PTPN9: variants seen among roughly 807,000 people sequenced by gnomAD.
The protein encoded by PTPN9 is protein tyrosine phosphatase non-receptor type 9, also known as tyrosine-protein phosphatase non-receptor type 9.
Under a neutral mutation model 69.8 loss-of-function variants are expected in PTPN9, and 26 were observed. The observed-to-expected ratio is 0.37, with a 90% CI of 0.27 to 0.52. The LOEUF (loss-of-function observed/expected upper bound fraction) is 0.52, where lower values mean the gene tolerates loss of function less well. PTPN9 is among the 20% of genes least tolerant of loss of function. The probability of loss-of-function intolerance (pLI) is 0.91; values close to 1 mark genes in which losing one functional copy is unlikely to be tolerated. For synonymous variants in PTPN9, 274 were observed against 272.5 expected, an observed-to-expected ratio of 1.01 and a Z score of -0.05; for missense variants, 549 against 740.3, an observed-to-expected ratio of 0.74 and a Z score of 3.00.
rs2074540961 is a variant in PTPN9 at position 75,467,346 on chromosome 15, A to G, written c.*1423T>C. 1 of 152,482 alleles carries G rather than the reference A, an allele frequency of 6.6e-6. No homozygotes were observed. Among genetic ancestry groups the G allele is most frequent in the South Asian group, 2.1e-4 (1 of 4,820 alleles). The allele number at this position is 152,482 out of a possible 1,614,324, so 9.4% of individuals were successfully genotyped here. A position where few individuals can be genotyped will look rare whatever the true frequency, so the allele number is the denominator to read the frequency against. On this transcript the variant is annotated 3_prime_UTR_variant, in exon 13 of 13. Transcript: ENST00000618819. The stretch of plus-strand genomic sequence containing the variant: ...CCAACCTCATCTTCTGTCACAGGGG[A>G]AGGTTTAGGAGTTCCTGGGATTTTT...
At chr15:75,518,380 C>A (rs1214194287) in intron 4 of PTPN9, among the ~76,000 whole-genome samples, 4 of 148,862 alleles carry the variant, frequency 2.7e-5, no homozygotes, top group Middle Eastern at 3.6e-3. Context: ...GTAATCCTAG[C>A]ACTTTGGGAG....
chr15:75,474,884 A>C (rs1436571231), intron 9 of PTPN9, among the ~76,000 whole-genome samples: 1 of 152,130 alleles, frequency 6.6e-6, no homozygotes, highest in Non-Finnish European at 1.5e-5. Flanking sequence ...AAATTACTTC[A>C]TCAGAACATA....
chr15:75,481,899 C>T (rs900366265), intron 8 of PTPN9, among the ~76,000 whole-genome samples: 4 of 146,618 alleles, frequency 2.7e-5, no homozygotes, highest in South Asian at 2.3e-4. Flanking sequence ...TCTGCCCGGC[C>T]GCCCCTACTG....
chr15:75,466,070 C>G lies in PTPN9; in HGVS notation c.*2699G>C, dbSNP rs1172096871. On this transcript the variant is annotated 3_prime_UTR_variant, in exon 13 of 13. Transcript: ENST00000618819. The stretch of plus-strand genomic sequence containing the variant: ...ACTCGATAAAAATTTATTGGCAGAT[C>G]AGAAGATGGATCCTTAGAGGAAGTC... 2.0e-5 allele frequency: 3 copies of G among 152,202 alleles called. No individual in the cohort carries two copies. The highest frequency in any genetic ancestry group is 6.5e-5 in the Admixed American group (1 of 15,280). 9.4% of individuals were successfully genotyped at this position (152,202 alleles called of 1,614,324 possible). A position where few individuals can be genotyped will look rare whatever the true frequency, so the allele number is the denominator to read the frequency against.
At chr15:75,561,576 T>C (rs919768439) in intron 1 of PTPN9, among the ~76,000 whole-genome samples, 22 of 152,150 alleles carry the variant, frequency 1.4e-4, no homozygotes, top group African/African-American at 5.1e-4. Context: ...TATAAGACTG[T>C]GGCTCCAGCT....
chr15:75,512,797 TCTTCCA>T (rs752092301), intron 5 of PTPN9: 1 of 272,070 alleles, frequency 3.7e-6, no homozygotes, highest in Non-Finnish European at 7.3e-6. Context: ...ATCCTCTTCC[TCTTCCA>T]CACCTCTGAG....
intron 2 of PTPN9, among the ~76,000 whole-genome samples, chr15:75,524,947 T>G (rs2074921177): frequency 6.6e-6 from 1 of 152,090 alleles, no homozygotes; most frequent in African/African-American, 2.4e-5. Flanking sequence ...TCTGACTCAG[T>G]AAGAACCCTA....
At chr15:75,484,914 C>A (rs1478081415) in intron 8 of PTPN9, among the ~76,000 whole-genome samples, 1 of 152,194 alleles carries the variant, frequency 6.6e-6, no homozygotes, top group East Asian at 1.9e-4. Context: ...GATTTGTGTT[C>A]ATTAGCCAGT....
At chr15:75,536,827 A>C (rs1439468372) in intron 1 of PTPN9, among the ~76,000 whole-genome samples, 5 of 152,200 alleles carry the variant, frequency 3.3e-5, no homozygotes, top group Non-Finnish European at 7.3e-5. Context: ...TGGGGAAGTC[A>C]GACTGAAAGG....
At chr15:75,570,626 C>T (rs903538691) in intron 1 of PTPN9, among the ~76,000 whole-genome samples, 8 of 151,746 alleles carry the variant, frequency 5.3e-5, no homozygotes, top group Non-Finnish European at 1.0e-4. Context: ...ACAAATTAGT[C>T]ATGTGTGGTA....
Position 75,579,028 on chromosome 15 carries a change from C to T in PTPN9, c.-252G>A, listed in dbSNP as rs1054621112. The T allele has an allele frequency of 3.6e-5, 9 of 248,632 alleles. No individual in the cohort carries two copies. The highest frequency in any genetic ancestry group is 2.0e-4 in the African/African-American group (9 of 44,018). The allele number at this position is 248,632 out of a possible 1,614,324, so 15.4% of individuals were successfully genotyped here. ...ATTATTCGCTCCGTTCCTCACACTCCCCCTTATCTCCTGGGGAAGAAAAAG... is the reference window on the plus strand; with the variant it reads ...ATTATTCGCTCCGTTCCTCACACTCTCCCTTATCTCCTGGGGAAGAAAAAG... On this transcript the variant is annotated 5_prime_UTR_variant, in exon 1 of 13. Transcript: ENST00000618819.
intron 7 of PTPN9, among the ~76,000 whole-genome samples, chr15:75,498,893 A>G (rs1268815021): frequency 6.6e-6 from 1 of 152,166 alleles, no homozygotes; most frequent in African/African-American, 2.4e-5. Context: ...GCACAGAACT[A>G]AATACACAAA....
intron 1 of PTPN9, among the ~76,000 whole-genome samples, chr15:75,537,753 CA>C (rs1164644727): frequency 0.01 from 114 of 11,390 alleles, 1 homozygote; most frequent in East Asian, 0.078. Flanking sequence ...GACTCCATCT[CA>C]AAAAAAAAAA....
At chr15:75,541,401 T>A (rs1255771799) in intron 1 of PTPN9, among the ~76,000 whole-genome samples, 1 of 150,290 alleles carries the variant, frequency 6.7e-6, no homozygotes, top group Non-Finnish European at 1.5e-5. Context: ...TTATTATTAT[T>A]ATTAATTAAT....
At chr15:75,472,061 A>C (rs1200911604) in intron 10 of PTPN9, among the ~76,000 whole-genome samples, 2 of 152,246 alleles carry the variant, frequency 1.3e-5, no homozygotes, top group African/African-American at 4.8e-5. Flanking sequence ...GTGCTAAGGA[A>C]GGGAATTTAA....
At chr15:75,506,236 A>C (rs1050447167) in intron 6 of PTPN9, among the ~76,000 whole-genome samples, 1 of 152,188 alleles carries the variant, frequency 6.6e-6, no homozygotes, top group Non-Finnish European at 1.5e-5. Flanking sequence ...CACTCCTGGA[A>C]TTAGGGACAC....
intron 1 of PTPN9, among the ~76,000 whole-genome samples, chr15:75,528,106 T>G (rs975738172): frequency 1.3e-5 from 2 of 152,258 alleles, no homozygotes; most frequent in Admixed American, 6.5e-5. Context: ...CCACTGGACC[T>G]CTTCATGCTT....
intron 1 of PTPN9, among the ~76,000 whole-genome samples, chr15:75,576,856 AAG>A (rs1400006479): frequency 6.6e-6 from 1 of 152,276 alleles, no homozygotes; most frequent in Non-Finnish European, 1.5e-5. Flanking sequence ...CTCAAAAAAA[AAG>A]AGAGTACTCT....
intron 1 of PTPN9, among the ~76,000 whole-genome samples, chr15:75,559,259 C>T (rs2075092617): frequency 6.6e-6 from 1 of 152,168 alleles, no homozygotes; most frequent in East Asian, 1.9e-4. Flanking sequence ...GCCACCACCC[C>T]GTCTGGGAGG....
Sources: gnomAD v4.1 joint callset for allele counts (sites outside exome capture counted in the v4.1 genomes callset) on GRCh38, gnomAD v4.1.1 for gene constraint, MANE v1.5 for transcripts, NCBI Gene and HGNC (gene_info 2026-07-23, HGNC 2026-07-21) for gene names.